MTA3: variants seen among roughly 807,000 people sequenced by gnomAD.
MTA3 encodes metastasis associated 1 family member 3, also known as metastasis-associated protein MTA3.
A neutral mutation model predicts 83.5 loss-of-function variants in MTA3; 34 were observed. The observed-to-expected ratio is 0.41, with a 90% CI of 0.31 to 0.54. The LOEUF is 0.54. Among genes scored for constraint, MTA3 ranks in the 20% least tolerant of loss-of-function variants. MTA3 has a pLI of 0.33. For missense variants in MTA3, 761 were observed against 726.4 expected (o/e 1.05, Z -0.55); for synonymous variants, 303 against 252.7 (o/e 1.20, Z -1.89).
chr2:42,517,427 G>C (rs2103684270), intron 2 of MTA3, among the ~76,000 whole-genome samples: 1 of 150,400 alleles, frequency 6.6e-6, no homozygotes, highest in East Asian at 2.0e-4. Flanking sequence ...CAAAAAGTTA[G>C]CTGGATGTGG....
At chr2:42,529,776 T>C (rs557094180) in intron 2 of MTA3, among the ~76,000 whole-genome samples, 60 of 152,316 alleles carry the variant, frequency 3.9e-4, no homozygotes, top group African/African-American at 1.3e-3. Context: ...CAGAATGGTG[T>C]AGGGCAGGTT....
At chr2:42,517,334 G>T (rs1334719927) in intron 2 of MTA3, among the ~76,000 whole-genome samples, 1 of 151,958 alleles carries the variant, frequency 6.6e-6, no homozygotes, top group Non-Finnish European at 1.5e-5. Context: ...CACTTTGGGA[G>T]GCCGAGGCAG....
intron 8 of MTA3, among the ~76,000 whole-genome samples, chr2:42,674,683 A>T (rs10187451): frequency 6.8e-6 from 1 of 147,640 alleles, no homozygotes; most frequent in African/African-American, 2.5e-5. Context: ...ACTGCAACTG[A>T]CACTTCCTGA....
At chr2:42,504,982 C>G (rs1440226404) in intron 2 of MTA3, among the ~76,000 whole-genome samples, 1 of 152,170 alleles carries the variant, frequency 6.6e-6, no homozygotes, top group Non-Finnish European at 1.5e-5. Context: ...CATCACCACT[C>G]TGTGGACCTT....
intron 14 of MTA3, among the ~76,000 whole-genome samples, chr2:42,716,998 A>AT (rs1176131059): frequency 6.6e-6 from 1 of 151,602 alleles, no homozygotes; most frequent in Non-Finnish European, 1.5e-5. Flanking sequence ...AGCATCTGTT[A>AT]TTTTTTGACT....
At chr2:42,677,056 T>TC (rs1177831136) in intron 8 of MTA3, among the ~76,000 whole-genome samples, 1 of 152,128 alleles carries the variant, frequency 6.6e-6, no homozygotes, top group African/African-American at 2.4e-5. Flanking sequence ...GACTTTTTTT[T>TC]CTCTACACTA....
chr2:42,727,267 G>A (rs1667896429), intron 16 of MTA3, among the ~76,000 whole-genome samples: 1 of 152,182 alleles, frequency 6.6e-6, no homozygotes, highest in Non-Finnish European at 1.5e-5. Context: ...CAAGGAGTCA[G>A]TAATGATAAA....
chr2:42,703,332 A>T (rs1407155984), intron 11 of MTA3: 7 of 152,204 alleles, frequency 4.6e-5, no homozygotes, highest in African/African-American at 1.7e-4. Flanking sequence ...ATGTAATCGG[A>T]GTGGTCATCA....
intron 3 of MTA3, among the ~76,000 whole-genome samples, chr2:42,600,902 C>A (rs959714762): frequency 6.6e-6 from 1 of 151,686 alleles, no homozygotes; most frequent in Non-Finnish European, 1.5e-5. Context: ...GGATTTTTTT[C>A]TTTTTTCTTT....
At chr2:42,537,489 C>T (rs1305690620) in intron 2 of MTA3, among the ~76,000 whole-genome samples, 1 of 151,752 alleles carries the variant, frequency 6.6e-6, no homozygotes, top group Non-Finnish European at 1.5e-5. Flanking sequence ...CGCTTGAACC[C>T]GGGAAGCGGA....
intron 2 of MTA3, among the ~76,000 whole-genome samples, chr2:42,572,653 A>G (rs752562403): frequency 2.0e-4 from 31 of 152,212 alleles, no homozygotes; most frequent in Non-Finnish European, 3.7e-4. Context: ...TTTCACATTA[A>G]GATTTGTCCG....
At chr2:42,702,214 A>C (rs1276578439) in intron 11 of MTA3, 2 of 152,328 alleles carry the variant, frequency 1.3e-5, no homozygotes, top group Non-Finnish European at 2.9e-5. Flanking sequence ...TTTGTCTCAA[A>C]AAGTAAATAA....
chr2:42,602,282 T>G (rs1483149733), intron 3 of MTA3, among the ~76,000 whole-genome samples: 1 of 152,242 alleles, frequency 6.6e-6, no homozygotes, highest in East Asian at 1.9e-4. Flanking sequence ...CAGCCTTAGT[T>G]GTTGTTCTCC....
intron 16 of MTA3, among the ~76,000 whole-genome samples, chr2:42,747,150 C>A (rs1181397762): frequency 6.6e-6 from 1 of 152,056 alleles, no homozygotes; most frequent in African/African-American, 2.4e-5. Context: ...CAGTCACATG[C>A]CACCATTCCC....
chr2:42,720,894 G>A (rs962444612), intron 15 of MTA3, among the ~76,000 whole-genome samples: 1 of 140,486 alleles, frequency 7.1e-6, no homozygotes, highest in African/African-American at 2.7e-5. Context: ...AGAGGTTGCA[G>A]TGAGCCAAGA....
At chr2:42,680,560 GGGCAAGAA>G (rs1691788206) in intron 8 of MTA3, among the ~76,000 whole-genome samples, 1 of 152,112 alleles carries the variant, frequency 6.6e-6, no homozygotes, top group Admixed American at 6.6e-5. Context: ...GTTCTCACTT[GGGCAAGAA>G]TTAGATCACT....
At chr2:42,500,719 A>G (rs1347779676) in intron 2 of MTA3, among the ~76,000 whole-genome samples, 1 of 152,156 alleles carries the variant, frequency 6.6e-6, no homozygotes, top group Non-Finnish European at 1.5e-5. Context: ...AACACAGTTT[A>G]TTAGAAACAC....
intron 12 of MTA3, among the ~76,000 whole-genome samples, chr2:42,707,546 C>T (rs1290747295): frequency 2.0e-5 from 3 of 152,108 alleles, no homozygotes; most frequent in African/African-American, 4.8e-5. Flanking sequence ...CATGTCCGGC[C>T]CCAGATTTTT....
chr2:42,581,042 C>A (rs964272368), intron 3 of MTA3, among the ~76,000 whole-genome samples: 39 of 152,234 alleles, frequency 2.6e-4, no homozygotes, highest in African/African-American at 9.4e-4. Flanking sequence ...TTTAGCCAGG[C>A]AAGTTAGTTG....
Sources: gnomAD v4.1 joint callset for allele counts (sites outside exome capture counted in the v4.1 genomes callset) on GRCh38, gnomAD v4.1.1 for gene constraint, MANE v1.5 for transcripts, NCBI Gene and HGNC (gene_info 2026-07-23, HGNC 2026-07-21) for gene names.